THRB: variants seen among roughly 807,000 people sequenced by gnomAD.
THRB encodes the protein thyroid hormone receptor beta, also known as nuclear receptor subfamily 1 group A member 2.
In THRB, 12 loss-of-function variants were observed where a neutral mutation model predicts 47.8. The ratio of observed to expected loss-of-function variants is 0.25; its 90% confidence interval spans 0.16 to 0.41. The LOEUF (loss-of-function observed/expected upper bound fraction) is 0.41. Among genes scored for constraint, THRB ranks in the 10% least tolerant of loss-of-function variants. The probability of loss-of-function intolerance (pLI) is 1.00; values close to 1 mark genes in which losing one functional copy is unlikely to be tolerated. For synonymous variants in THRB, 218 were observed against 212.2 expected (o/e 1.03, Z -0.24); for missense variants, 348 against 589.2 (o/e 0.59, Z 4.24).
At chr3:24,308,544 A>G (rs1268939698) in intron 2 of THRB, among the ~76,000 whole-genome samples, 2 of 152,252 alleles carry the variant, frequency 1.3e-5, no homozygotes, top group East Asian at 3.8e-4. Context: ...AAACAAATAG[A>G]GAAAAGTAAA....
At chr3:24,137,916 G>A (rs577915506) in intron 8 of THRB, among the ~76,000 whole-genome samples, 1 of 152,250 alleles carries the variant, frequency 6.6e-6, no homozygotes, top group East Asian at 1.9e-4. Context: ...ATTGGCAGCT[G>A]AAAACAAGGG....
chr3:24,476,116 G>A (rs541788505), intron 1 of THRB, among the ~76,000 whole-genome samples: 8 of 152,296 alleles, frequency 5.3e-5, no homozygotes, highest in African/African-American at 1.9e-4. Flanking sequence ...CTGCAAGATC[G>A]AAAGTACTTC....
intron 1 of THRB, among the ~76,000 whole-genome samples, chr3:24,481,257 T>C (rs995804062): frequency 7.6e-6 from 1 of 131,614 alleles, no homozygotes; most frequent in Admixed American, 7.8e-5. Flanking sequence ...TTTTTTTTTT[T>C]ACGGAAAAAG....
chr3:24,416,224 A>G (rs1205058997), intron 1 of THRB, among the ~76,000 whole-genome samples: 1 of 151,872 alleles, frequency 6.6e-6, no homozygotes, highest in Non-Finnish European at 1.5e-5. Flanking sequence ...AACAAAAGAC[A>G]CAGGGATACA....
intron 1 of THRB, among the ~76,000 whole-genome samples, chr3:24,442,661 T>G (rs1480439752): frequency 2.0e-5 from 3 of 151,738 alleles, no homozygotes; most frequent in African/African-American, 7.3e-5. Flanking sequence ...CCTTCTCTAC[T>G]AAAAAATACA....
intron 1 of THRB, among the ~76,000 whole-genome samples, chr3:24,381,671 A>G (rs767652370): frequency 6.6e-6 from 1 of 152,168 alleles, no homozygotes; most frequent in Non-Finnish European, 1.5e-5. Flanking sequence ...CCCGGTATAA[A>G]ATGTTAAATA....
intron 1 of THRB, among the ~76,000 whole-genome samples, chr3:24,364,843 T>C (rs2064341347): frequency 6.6e-6 from 1 of 152,210 alleles, no homozygotes; most frequent in Non-Finnish European, 1.5e-5. Context: ...ATATTTTAAA[T>C]GTTAGAAAAC....
At chr3:24,425,850 T>C (rs1322765401) in intron 1 of THRB, among the ~76,000 whole-genome samples, 1 of 152,060 alleles carries the variant, frequency 6.6e-6, no homozygotes, top group East Asian at 1.9e-4. Context: ...TTCCTCATCT[T>C]TCAAACAGAA....
intron 2 of THRB, among the ~76,000 whole-genome samples, chr3:24,331,899 C>G (rs984280286): frequency 2.0e-5 from 3 of 152,184 alleles, no homozygotes; most frequent in African/African-American, 7.2e-5. Context: ...CCATCATACA[C>G]TTGGCTACAA....
chr3:24,411,095 C>T (rs778272042), intron 1 of THRB, among the ~76,000 whole-genome samples: 1 of 151,752 alleles, frequency 6.6e-6, no homozygotes. Flanking sequence ...TGCTGTGAAG[C>T]TGGCTTTTTC....
At chr3:24,436,315 A>C (rs1162793269) in intron 1 of THRB, among the ~76,000 whole-genome samples, 1 of 152,150 alleles carries the variant, frequency 6.6e-6, no homozygotes, top group East Asian at 1.9e-4. Flanking sequence ...GAACATAAGA[A>C]CTACATACAC....
intron 1 of THRB, among the ~76,000 whole-genome samples, chr3:24,486,237 A>G (rs554384382): frequency 2.0e-5 from 3 of 152,312 alleles, no homozygotes; most frequent in African/African-American, 7.2e-5. Flanking sequence ...CGCAAATGCC[A>G]TAGCGTAGAG....
chr3:24,225,870 G>A (rs542305149), intron 4 of THRB, among the ~76,000 whole-genome samples: 14 of 152,148 alleles, frequency 9.2e-5, no homozygotes, highest in Admixed American at 3.9e-4. Context: ...GAGGTTGGAA[G>A]GAATCGCATT....
At chr3:24,453,634 T>G (rs1267744974) in intron 1 of THRB, among the ~76,000 whole-genome samples, 1 of 152,190 alleles carries the variant, frequency 6.6e-6, no homozygotes, top group Non-Finnish European at 1.5e-5. Flanking sequence ...AAGTTTATAT[T>G]GGATCACGCC....
intron 4 of THRB, among the ~76,000 whole-genome samples, chr3:24,204,250 C>T (rs2044995696): frequency 6.6e-6 from 1 of 152,240 alleles, no homozygotes; most frequent in Non-Finnish European, 1.5e-5. Context: ...GCGAGGCACC[C>T]CCCAGTAGGG....
At chr3:24,157,729 G>C (rs1350797961) in intron 5 of THRB, among the ~76,000 whole-genome samples, 3 of 152,062 alleles carry the variant, frequency 2.0e-5, no homozygotes, top group African/African-American at 7.2e-5. Context: ...ATGGGGTCTT[G>C]CTATGTTTCC....
intron 1 of THRB, among the ~76,000 whole-genome samples, chr3:24,435,033 T>C (rs1198376166): frequency 6.6e-6 from 1 of 152,090 alleles, no homozygotes; most frequent in East Asian, 1.9e-4. Context: ...TGGCAATAAT[T>C]GAGGTCTGGG....
At chr3:24,282,142 GCACCA>G (rs1442930498) in intron 3 of THRB, among the ~76,000 whole-genome samples, 2 of 92,788 alleles carry the variant, frequency 2.2e-5, no homozygotes, top group East Asian at 6.3e-4. Context: ...ATTTTTTTCA[GCACCA>G]CACCACACCT....
At chr3:24,384,971 T>C (rs1022230058) in intron 1 of THRB, among the ~76,000 whole-genome samples, 1 of 152,148 alleles carries the variant, frequency 6.6e-6, no homozygotes, top group African/African-American at 2.4e-5. Flanking sequence ...TGATGACTTG[T>C]GCACTGCATG....
Sources: allele counts gnomAD v4.1 joint callset (sites outside exome capture counted in the v4.1 genomes callset), GRCh38; gene constraint gnomAD v4.1.1; transcripts MANE v1.5; gene names NCBI Gene and HGNC (gene_info 2026-07-23, HGNC 2026-07-21).